YWHAZ: variants seen among roughly 807,000 people sequenced by gnomAD.
YWHAZ encodes the protein 14-3-3 protein zeta/delta.
For synonymous variants in YWHAZ, 87 were observed against 103.6 expected (o/e 0.84, Z 0.97); for missense variants, 79 against 284.8 (o/e 0.28, Z 5.20).
chr8:100,952,764 C>G (rs1415492482), upstream of YWHAZ: 3 of 994,758 alleles, frequency 3.0e-6, no homozygotes, highest in Non-Finnish European at 3.6e-6. Flanking sequence ...CGCTGCCCCC[C>G]GCCCCGCCCG....
At chr8:100,951,243 C>T in intron 1 of YWHAZ, 1 of 985,024 alleles carries the variant, frequency 1.0e-6, no homozygotes. Flanking sequence ...ACCTGGCGGG[C>T]GCCGCCGCGC....
At chr8:100,929,645 C>T (rs764057865) in intron 2 of YWHAZ, among the ~76,000 whole-genome samples, 3 of 152,142 alleles carry the variant, frequency 2.0e-5, no homozygotes, top group Non-Finnish European at 2.9e-5. Flanking sequence ...TTTTTGTACA[C>T]GTGGTCTTTT....
Position 100,918,430 on chromosome 8 carries a change from ATATATATATATAT to A in YWHAZ, c.*2250_*2262del, listed in dbSNP as rs1244560591. 3.1e-5 allele frequency: 3 copies of A among 96,942 alleles called. No individual in the cohort carries two copies. Among genetic ancestry groups the A allele is most frequent in the Non-Finnish European group, 4.4e-5 (2 of 45,316 alleles). 6.0% of individuals were successfully genotyped at this position (96,942 alleles called of 1,614,324 possible). A position where few individuals can be genotyped will look rare whatever the true frequency, so the allele number is the denominator to read the frequency against. On this transcript the variant is annotated 3_prime_UTR_variant, in exon 6 of 6. Coordinates refer to ENST00000395958, the MANE Select transcript of YWHAZ (RefSeq NM_145690.3). The stretch of plus-strand genomic sequence containing the variant: ...ACTTTATATATATATATATATATAT[ATATATATATATAT>A]AATTATTTTACCTCCTTGGCTTGGG...
At chr8:100,953,091 G>T (rs149554895), upstream of YWHAZ, 1 of 991,756 alleles carries the variant, frequency 1.0e-6, no homozygotes, top group Non-Finnish European at 1.2e-6. Context: ...AGGGAAGCCA[G>T]AGTTCCGAGG....
intron 5 of YWHAZ, 28 bp downstream of exon 5, chr8:100,923,927 A>C (rs1013926736): frequency 2.3e-5 from 36 of 1,564,846 alleles, no homozygotes; most frequent in Non-Finnish European, 3.0e-5. Flanking sequence ...AACCACATTC[A>C]TCACTAATGA....
rs1357359956 is a variant in YWHAZ, at chr8:100,923,770, A to G, written c.678+185T>C. 1.0e-5 allele frequency: 5 copies of G among 476,816 alleles called. No homozygotes were observed. The Admixed American group carries it at 1.5e-4, about 15-fold the overall frequency. 29.5% of individuals were successfully genotyped at this position (476,816 alleles called of 1,614,324 possible). On this transcript the variant is annotated intron_variant, in intron 5 of 5. Coordinates refer to ENST00000395958, the MANE Select transcript of YWHAZ (RefSeq NM_145690.3). ...TGTGTATTTTTTAGTTCTCAGTCTA[A>G]TATTTCAGTTTCTGTAATTTTCCTT...
At chr8:100,947,184 G>A (rs1316664779) in intron 2 of YWHAZ, among the ~76,000 whole-genome samples, 31 of 150,764 alleles carry the variant, frequency 2.1e-4, no homozygotes, top group Non-Finnish European at 3.7e-4. Flanking sequence ...AACCCGGGAG[G>A]CGGAGCTTGC....
rs1812938536 is a variant in YWHAZ at position 100,920,608 on chromosome 8, A to G, written c.*85T>C. ...CATAAACCTGTCATAAATCGTAAAC[A>G]AAAAACTATTTGTGGGACAGCATGG... On this transcript the variant is annotated 3_prime_UTR_variant, in exon 6 of 6. Transcript: ENST00000395958. The G allele has an allele frequency of 7.9e-7, 1 of 1,263,990 alleles. No homozygotes were observed. The highest frequency in any genetic ancestry group is 1.5e-5 in the African/African-American group (1 of 68,162). 78.3% of individuals were successfully genotyped at this position (1,263,990 alleles called of 1,614,324 possible).
chr8:100,931,501 C>A (rs1269552058), intron 2 of YWHAZ, among the ~76,000 whole-genome samples: 1 of 152,162 alleles, frequency 6.6e-6, no homozygotes, highest in Non-Finnish European at 1.5e-5. Context: ...GGGCATTCAA[C>A]ACTTGTTAGA....
rs1810486432 is a variant in YWHAZ at position 100,948,692 on chromosome 8, T to C, written c.198A>G (p.Glu66=). ...TTTTCTCAGCACCTTCCGTCTTTTG[T>C]TCAATACTTGAGACGACCCTCCAAG... ...RSSWRVVSSI[E]QKTEGAEKKQ... Residue 66 remains glutamate, a synonymous_variant, in exon 2 of 6, where the codon GAA becomes GAG. Transcript: ENST00000395958. This position sits in a 1 kb window ranked among gnomAD's most constrained non-coding sequence, Gnocchi z 4.2. 3.1e-6 allele frequency: 5 copies of C among 1,603,840 alleles called. 1 individual carries two copies. Among genetic ancestry groups the C allele is most frequent in the Non-Finnish European group, 3.4e-6 (4 of 1,179,828 alleles).
upstream of YWHAZ, chr8:100,952,136 A>G (rs1810838504): frequency 9.1e-6 from 9 of 985,680 alleles, no homozygotes; most frequent in Non-Finnish European, 1.1e-5. Flanking sequence ...CTGCTATGGC[A>G]ACCGTTGATT....
Position 100,920,223 on chromosome 8 carries a change from T to C in YWHAZ, c.*470A>G, listed in dbSNP as rs1812918495. ...TTCCACAGATATACATGGTTTAATA[T>C]GTGGTATCCATGGGGTATGATTCTA... is the stretch of plus-strand genomic sequence containing the variant. On this transcript the variant is annotated 3_prime_UTR_variant, in exon 6 of 6. Transcript: ENST00000395958. 1.2e-5 allele frequency: 2 copies of C among 160,710 alleles called. No individual in the cohort carries two copies. The highest frequency in any genetic ancestry group is 4.8e-5 in the African/African-American group (2 of 41,520). The allele number at this position is 160,710 out of a possible 1,614,324, so 10.0% of individuals were successfully genotyped here.
upstream of YWHAZ, chr8:100,952,646 G>T (rs1389019016): frequency 5.1e-6 from 2 of 394,438 alleles, no homozygotes; most frequent in Non-Finnish European, 6.9e-6. Flanking sequence ...CGGGCAGGAT[G>T]ACAAGGGTGG....
chr8:100,918,443 T>TATATATATAAAAA lies in YWHAZ; in HGVS notation c.*2249_*2250insTTTTTATATATAT, dbSNP rs1417316114. The TATATATATAAAAA allele has an allele frequency of 1.7e-5, 2 of 117,074 alleles. No homozygotes were observed. Among genetic ancestry groups the TATATATATAAAAA allele is most frequent in the African/African-American group, 6.8e-5 (2 of 29,620 alleles). 7.3% of individuals were successfully genotyped at this position (117,074 alleles called of 1,614,324 possible). On this transcript the variant is annotated 3_prime_UTR_variant, in exon 6 of 6. Coordinates refer to ENST00000395958, the MANE Select transcript of YWHAZ (RefSeq NM_145690.3). ...ATATATATATATATATATATATATA[T>TATATATATAAAAA]AATTATTTTACCTCCTTGGCTTGGG...
intron 2 of YWHAZ, among the ~76,000 whole-genome samples, chr8:100,930,917 A>G (rs185865178): frequency 2.6e-5 from 4 of 152,344 alleles, no homozygotes; most frequent in African/African-American, 9.6e-5. Flanking sequence ...ACTCAGCAGC[A>G]AAATGCCACA....
chr8:100,931,709 C>G (rs1309490080), intron 2 of YWHAZ, among the ~76,000 whole-genome samples: 1 of 151,910 alleles, frequency 6.6e-6, no homozygotes, highest in Non-Finnish European at 1.5e-5. Flanking sequence ...AGCTCCCAAC[C>G]GAGAGTAGGC....
chr8:100,935,630 C>T (rs1563679268), intron 2 of YWHAZ, among the ~76,000 whole-genome samples: 1 of 152,186 alleles, frequency 6.6e-6, no homozygotes. Flanking sequence ...GGATAAGCTC[C>T]AGGTTTCTAT....
chr8:100,947,883 A>C (rs768386843), intron 2 of YWHAZ, among the ~76,000 whole-genome samples: 12 of 152,208 alleles, frequency 7.9e-5, no homozygotes, highest in African/African-American at 1.2e-4. Context: ...TTATCCTCAA[A>C]TTTAAACTAT....
chr8:100,925,638 C>G (rs1453141040), intron 2 of YWHAZ, among the ~76,000 whole-genome samples: 1 of 152,180 alleles, frequency 6.6e-6, no homozygotes, highest in Non-Finnish European at 1.5e-5. Flanking sequence ...TTTTAAAGAG[C>G]AGACCTTTAA....
Sources: allele counts gnomAD v4.1 joint callset (sites outside exome capture counted in the v4.1 genomes callset), GRCh38; gene constraint gnomAD v4.1.1; non-coding constraint Gnocchi (gnomAD v3.1); transcripts MANE v1.5; gene names NCBI Gene and HGNC (gene_info 2026-07-23, HGNC 2026-07-21).